Variants in SYT14 observed in about 807,000 individuals in gnomAD.
The protein encoded by SYT14 is synaptotagmin 14.
A neutral mutation model predicts 74.2 loss-of-function variants in SYT14; 32 were observed. The observed-to-expected ratio is 0.43, with a 90% CI of 0.33 to 0.58. SYT14 has a LOEUF of 0.58. Among genes scored for constraint, SYT14 ranks in the 20% least tolerant of loss-of-function variants. The probability of loss-of-function intolerance (pLI) is 0.05; values close to 1 mark genes in which losing one functional copy is unlikely to be tolerated. For missense variants in SYT14, 791 were observed against 981.8 expected (o/e 0.81, Z 2.60); for synonymous variants, 298 against 337.7 (o/e 0.88, Z 1.29).
At chr1:210,103,208 A>G (rs1572304056) in intron 7 of SYT14, among the ~76,000 whole-genome samples, 1 of 152,238 alleles carries the variant, frequency 6.6e-6, no homozygotes, top group Non-Finnish European at 1.5e-5. Flanking sequence ...TGTCACCAAA[A>G]TGACTTTCTG....
At chr1:209,962,913 A>G (rs1047481379) in intron 2 of SYT14, among the ~76,000 whole-genome samples, 1 of 152,126 alleles carries the variant, frequency 6.6e-6, no homozygotes, top group Non-Finnish European at 1.5e-5. Flanking sequence ...TTCTTCCTCT[A>G]ATGGCTGTAT....
intron 6 of SYT14, among the ~76,000 whole-genome samples, chr1:210,096,140 A>G (rs550067718): frequency 1.1e-4 from 16 of 152,208 alleles, no homozygotes; most frequent in Non-Finnish European, 2.2e-4. Flanking sequence ...TCAGAGAGCT[A>G]AACAATTTGA....
intron 2 of SYT14, among the ~76,000 whole-genome samples, chr1:209,974,771 A>C (rs370918788): frequency 6.6e-6 from 1 of 152,062 alleles, no homozygotes; most frequent in South Asian, 2.1e-4. Context: ...AGCTTGATGG[A>C]GATGGCATTG....
In SYT14 at chr1:209,938,548, C is replaced by G. The variant is rs910657066; in HGVS notation, c.-534+271C>G. ...ACGCGGGGCAAAGCGGGCTGGCGGG[C>G]AGGTACAGCGTCCGGGCCGCCGCCT... On this transcript the variant is annotated intron_variant, in intron 1 of 9. Coordinates refer to ENST00000637265, the Ensembl canonical transcript of SYT14. 2.6e-5 allele frequency among the ~76,000 whole-genome samples: 4 copies of G among 152,052 alleles called. 1 individual carries two copies. The East Asian group carries it at 7.8e-4, about 30-fold the overall frequency.
intron 2 of SYT14, among the ~76,000 whole-genome samples, chr1:209,990,404 G>A (rs2079643441): frequency 6.6e-6 from 1 of 150,516 alleles, no homozygotes; most frequent in African/African-American, 2.4e-5. Context: ...TTTCATCATG[G>A]AACGCCCCCA....
At chr1:209,963,937 A>G (rs1197667613) in intron 2 of SYT14, among the ~76,000 whole-genome samples, 1 of 152,218 alleles carries the variant, frequency 6.6e-6, no homozygotes, top group Non-Finnish European at 1.5e-5. Flanking sequence ...CCAGCTATAC[A>G]ATACCAGTTA....
chr1:210,045,318 G>A (rs989139572), intron 5 of SYT14, among the ~76,000 whole-genome samples: 6 of 152,136 alleles, frequency 3.9e-5, no homozygotes, highest in East Asian at 1.9e-4. Flanking sequence ...AAATTAATTC[G>A]ATTTGTGTAA....
chr1:209,979,704 A>G (rs1016519863), intron 2 of SYT14, among the ~76,000 whole-genome samples: 15 of 152,092 alleles, frequency 9.9e-5, no homozygotes, highest in Admixed American at 3.9e-4. Context: ...AACATGTGGC[A>G]TTTGGATTTC....
chr1:210,124,871 G>A (rs867905212), intron 7 of SYT14, among the ~76,000 whole-genome samples: 2 of 146,066 alleles, frequency 1.4e-5, no homozygotes, highest in Non-Finnish European at 1.5e-5. Context: ...TTTTTGTGTG[G>A]TTTTTTTTTT....
chr1:210,003,979 AG>A (rs1374627372), intron 2 of SYT14, among the ~76,000 whole-genome samples: 1 of 152,002 alleles, frequency 6.6e-6, no homozygotes, highest in Non-Finnish European at 1.5e-5. Flanking sequence ...ATTCTTTACT[AG>A]GTGTTCTCAA....
intron 2 of SYT14, among the ~76,000 whole-genome samples, chr1:209,978,855 A>G (rs1010872995): frequency 6.6e-6 from 1 of 152,192 alleles, no homozygotes; most frequent in Non-Finnish European, 1.5e-5. Context: ...GGCTCCACCC[A>G]GTTCGAGCTT....
intron 7 of SYT14, among the ~76,000 whole-genome samples, chr1:210,109,240 A>G (rs2082214762): frequency 6.6e-6 from 1 of 152,108 alleles, no homozygotes; most frequent in East Asian, 1.9e-4. Flanking sequence ...CAAATCAAAA[A>G]CCACAGGATA....
chr1:210,020,007 CA>C (rs1206866066), intron 4 of SYT14, among the ~76,000 whole-genome samples: 1 of 152,108 alleles, frequency 6.6e-6, no homozygotes, highest in Admixed American at 6.5e-5. Flanking sequence ...CTTTCACAAG[CA>C]GTAAGTGTTA....
At chr1:210,017,996 A>G (rs1431131410) in intron 4 of SYT14, among the ~76,000 whole-genome samples, 1 of 152,208 alleles carries the variant, frequency 6.6e-6, no homozygotes, top group African/African-American at 2.4e-5. Flanking sequence ...CTACATACAT[A>G]ATAGGGATCT....
chr1:209,959,099 T>A (rs1015312081), intron 2 of SYT14, among the ~76,000 whole-genome samples: 2 of 152,152 alleles, frequency 1.3e-5, no homozygotes, highest in Admixed American at 6.6e-5. Context: ...TATACAAAAA[T>A]TTGTAGATGA....
chr1:209,968,543 C>G (rs1229095717), intron 2 of SYT14, among the ~76,000 whole-genome samples: 1 of 152,010 alleles, frequency 6.6e-6, no homozygotes, highest in Non-Finnish European at 1.5e-5. Flanking sequence ...ATATTCATCC[C>G]TTTCCCACCT....
intron 2 of SYT14, among the ~76,000 whole-genome samples, 184 bp from the exon 3 acceptor site, chr1:210,013,449 A>G (rs965263961): frequency 2.0e-5 from 3 of 152,258 alleles, no homozygotes; most frequent in African/African-American, 7.2e-5. Context: ...TGCTGAATGA[A>G]TTGAACAACT....
At chr1:210,169,221 G>GGTT (rs2083492295) in exon 10 of SYT14, 2 of 50,246 alleles carry the variant, frequency 4.0e-5, no homozygotes, top group African/African-American at 1.6e-4. Context: ...TGTTTTTGGT[G>GGTT]TTTTTTTTTT....
chr1:210,044,256 A>T (rs186013512), intron 5 of SYT14, among the ~76,000 whole-genome samples: 89 of 152,264 alleles, frequency 5.8e-4, no homozygotes, highest in African/African-American at 1.9e-3. Flanking sequence ...CATTTTTCTC[A>T]TACTTTTATT....
Sources: allele counts gnomAD v4.1 joint callset (sites outside exome capture counted in the v4.1 genomes callset), GRCh38; gene constraint gnomAD v4.1.1; transcripts MANE v1.5; gene names NCBI Gene and HGNC (gene_info 2026-07-23, HGNC 2026-07-21).